The following RGS7 variants were observed in gnomAD, a reference collection of about 807,000 sequenced individuals.
The protein encoded by RGS7 is regulator of G-protein signaling 7.
RGS7 carries 27 observed loss-of-function variants against 81.1 expected under a neutral mutation model. The ratio of observed to expected loss-of-function variants is 0.33; its 90% confidence interval spans 0.25 to 0.46. RGS7 has a LOEUF of 0.46. Among genes scored for constraint, RGS7 ranks in the 20% least tolerant of loss-of-function variants. The pLI is 1.00. For synonymous variants in RGS7, 208 were observed against 207.7 expected (o/e 1.00, Z -0.01); for missense variants, 396 against 607.4 (o/e 0.65, Z 3.66).
intron 10 of RGS7, among the ~76,000 whole-genome samples, chr1:240,819,506 TGA>T (rs1279216655): frequency 6.6e-6 from 1 of 152,210 alleles, no homozygotes; most frequent in Admixed American, 6.6e-5. Flanking sequence ...TTTGGGAGGC[TGA>T]GGCAGGCATA....
Position 241,195,406 on chromosome 1 carries a change from G to T in RGS7, c.79-96644C>A, listed in dbSNP as rs535457083. Among the ~76,000 whole-genome samples the T allele has an allele frequency of 1.3e-3, 198 of 152,218 alleles. 1 individual carries two copies. Among genetic ancestry groups the T allele is most frequent in the African/African-American group, 4.6e-3 (193 of 41,544 alleles). On this transcript the variant is annotated intron_variant, in intron 2 of 18. Transcript: ENST00000440928. ...CAGAAGAATCACTCGAACCCGGGAG[G>T]CAGAGGGTGCAGTGAGCCGAGATCG...
At chr1:241,241,271 A>G (rs1417083237) in intron 2 of RGS7, among the ~76,000 whole-genome samples, 3 of 152,004 alleles carry the variant, frequency 2.0e-5, no homozygotes, top group African/African-American at 7.2e-5. Flanking sequence ...TCTGATTCTA[A>G]GTAGAAGTTG....
At chr1:241,126,519 G>A (rs2066672438) in intron 2 of RGS7, among the ~76,000 whole-genome samples, 1 of 152,148 alleles carries the variant, frequency 6.6e-6, no homozygotes, top group African/African-American at 2.4e-5. Context: ...AGCCTGCTTG[G>A]GTCAAATGCG....
chr1:240,902,665 C>T (rs1670203151), intron 6 of RGS7, among the ~76,000 whole-genome samples: 1 of 152,142 alleles, frequency 6.6e-6, no homozygotes, highest in Admixed American at 6.5e-5. Flanking sequence ...AATGCAATTA[C>T]TTGATTCCAA....
intron 3 of RGS7, among the ~76,000 whole-genome samples, chr1:240,995,871 C>G (rs747728716): frequency 1.3e-5 from 2 of 151,560 alleles, no homozygotes; most frequent in Non-Finnish European, 2.9e-5. Flanking sequence ...TTATTTTGCT[C>G]TTCTTCTATG....
intron 9 of RGS7, among the ~76,000 whole-genome samples, chr1:240,839,089 A>G (rs1193944887): frequency 6.6e-6 from 1 of 152,210 alleles, no homozygotes; most frequent in Non-Finnish European, 1.5e-5. Context: ...TAAGACAGCA[A>G]TGCCTATGAG....
chr1:240,823,234 C>T, intron 10 of RGS7: 1 of 736,214 alleles, frequency 1.4e-6, no homozygotes, highest in Non-Finnish European at 2.5e-6. Flanking sequence ...GTAGAGGGTC[C>T]ATCCTATGCT....
intron 2 of RGS7, among the ~76,000 whole-genome samples, chr1:241,149,510 C>T (rs1232973497): frequency 6.6e-6 from 1 of 152,064 alleles, no homozygotes; most frequent in Non-Finnish European, 1.5e-5. Context: ...CATGCCACTC[C>T]CCCTCCCCTG....
chr1:240,948,203 C>G (rs1348413744), intron 4 of RGS7, among the ~76,000 whole-genome samples: 1 of 152,114 alleles, frequency 6.6e-6, no homozygotes, highest in African/African-American at 2.4e-5. Flanking sequence ...ATTATCTTGT[C>G]TAGTGAATAT....
intron 2 of RGS7, among the ~76,000 whole-genome samples, chr1:241,145,392 G>T (rs982772138): frequency 1.3e-5 from 2 of 152,280 alleles, no homozygotes; most frequent in Non-Finnish European, 2.9e-5. Context: ...ATGAACAAAA[G>T]CATTCCCACC....
chr1:240,776,342 ATC>A (rs1682926635), intron 18 of RGS7, 129 bp from the exon 19 acceptor site: 1 of 732,216 alleles, frequency 1.4e-6, no homozygotes, highest in Non-Finnish European at 2.5e-6. Flanking sequence ...CTTTAAGTCC[ATC>A]TTAGTTCAAA....
chr1:241,195,391 A>G (rs1237709080), intron 2 of RGS7, among the ~76,000 whole-genome samples: 2 of 151,806 alleles, frequency 1.3e-5, no homozygotes, highest in African/African-American at 4.8e-5. Context: ...CAGAAGAATC[A>G]CTCGAACCCG....
chr1:241,101,493 C>T (rs1164440762), intron 2 of RGS7, among the ~76,000 whole-genome samples: 1 of 151,294 alleles, frequency 6.6e-6, no homozygotes, highest in Admixed American at 6.6e-5. Flanking sequence ...GAGACTTCAC[C>T]TCAAAAACAA....
At position 241,214,361 on chromosome 1, in the gene RGS7, T is replaced by A. The variant is rs73132752; in HGVS notation, c.79-115599A>T. On this transcript the variant is annotated intron_variant, in intron 2 of 18. Coordinates refer to ENST00000440928, the MANE Select transcript of RGS7 (RefSeq NM_001364886.1). ...ATGTTGCCTGGTCTCAATTATCCAA[T>A]GACATGTCAATTGTATAAGCTAGTT... Among the ~76,000 whole-genome samples the A allele has an allele frequency of 1.7e-3, 263 of 152,312 alleles. 2 individuals carry two copies. The highest frequency in any genetic ancestry group is 5.9e-3 in the African/African-American group (246 of 41,594).
chr1:241,201,147 C>T (rs2073469088), intron 2 of RGS7, among the ~76,000 whole-genome samples: 1 of 152,142 alleles, frequency 6.6e-6, no homozygotes, highest in African/African-American at 2.4e-5. Flanking sequence ...TTAATTCTAC[C>T]ACCCCAATAT....
At chr1:240,931,073 G>C (rs1412882473) in intron 5 of RGS7, among the ~76,000 whole-genome samples, 1 of 152,110 alleles carries the variant, frequency 6.6e-6, no homozygotes, top group East Asian at 1.9e-4. Context: ...CAAGCAAAAA[G>C]TATTCATCCA....
chr1:241,339,196 T>C (rs542988376), intron 2 of RGS7, among the ~76,000 whole-genome samples: 2 of 152,326 alleles, frequency 1.3e-5, no homozygotes, highest in Admixed American at 1.3e-4. Flanking sequence ...GCTCTATCCA[T>C]GCCCCTGCAA....
At position 240,870,110 on chromosome 1, in the gene RGS7, A is replaced by G; in HGVS notation, c.395T>C (p.Leu132Pro). 6.2e-7 allele frequency: 1 copy of G among 1,614,022 alleles called. No homozygotes were observed. The highest frequency in any genetic ancestry group is 2.2e-5 in the East Asian group (1 of 44,872). Residue 132 changes from leucine to proline, a missense_variant, in exon 7 of 19, where the codon CTC (leucine) becomes CCC (proline). By Grantham distance (98) the Leu-to-Pro change is moderately conservative. Transcript: ENST00000440928. ...EPENTDYAVY[L>P]CKRTMQNKAR... is the part of the protein sequence containing the mutation. ...CTTGTTTTGCATTGTTCTCTTGCAG[A>G]GGTAAACGGCTGAAAAAAAAATCAA...
At chr1:240,955,550 T>TAAAAAAAAAAAAAAAAA (rs1680243582) in intron 4 of RGS7, among the ~76,000 whole-genome samples, 1 of 22,628 alleles carries the variant, frequency 4.4e-5, no homozygotes, top group Non-Finnish European at 7.8e-5. Flanking sequence ...AGACTCTGTC[T>TAAAAAAAAAAAAAAAAA]CAAAAAAAAA....
Sources: allele counts gnomAD v4.1 joint callset (sites outside exome capture counted in the v4.1 genomes callset), GRCh38; gene constraint gnomAD v4.1.1; transcripts MANE v1.5; gene names NCBI Gene and HGNC (gene_info 2026-07-23, HGNC 2026-07-21).